Variants in SPMIP8 observed in about 807,000 individuals in gnomAD.
The protein encoded by SPMIP8 is testicular tissue protein Li 196.
chr16:57,983,402 C>T, the SPMIP8 span, among the ~76,000 whole-genome samples: 16 of 151,870 alleles, frequency 1.1e-4, no homozygotes, highest in Admixed American at 1.0e-3. Flanking sequence ...TTGTTTTTGC[C>T]ATGTAGAAGT....
chr16:57,987,562 T>G, the SPMIP8 span: 2 of 950,474 alleles, frequency 2.1e-6, no homozygotes, highest in Non-Finnish European at 2.9e-6. Flanking sequence ...AATGCTCCCT[T>G]AGAGACACAC....
At chr16:57,987,796 C>T in the SPMIP8 span, 1 of 223,354 alleles carries the variant, frequency 4.5e-6, no homozygotes, top group Admixed American at 5.8e-5. Flanking sequence ...TTGCCTGCAG[C>T]CCCACACCCA....
the SPMIP8 span, chr16:57,987,553 A>C: frequency 2.8e-6 from 3 of 1,057,940 alleles, no homozygotes; most frequent in Non-Finnish European, 3.9e-6. Context: ...AATAAACCTA[A>C]TGCTCCCTTA....
the SPMIP8 span, chr16:57,977,843 C>T: frequency 4.3e-5 from 70 of 1,613,800 alleles, no homozygotes; most frequent in Non-Finnish European, 3.4e-6. Context: ...ACCTGGTGCC[C>T]TGGGACGATG....
At chr16:57,982,692 T>G in the SPMIP8 span, among the ~76,000 whole-genome samples, 1 of 152,244 alleles carries the variant, frequency 6.6e-6, no homozygotes, top group African/African-American at 2.4e-5. Flanking sequence ...GACCTGAATA[T>G]ATATTCTCTG....
At chr16:57,976,600 G>C in the SPMIP8 span, 2 of 1,613,940 alleles carry the variant, frequency 1.2e-6, no homozygotes, top group African/African-American at 2.7e-5. Flanking sequence ...CTGTGCACCT[G>C]GGCCTGGGCC....
the SPMIP8 span, chr16:57,987,126 A>G: frequency 3.5e-4 from 141 of 401,910 alleles, no homozygotes; most frequent in Admixed American, 8.0e-4. Context: ...TGCCTAACAG[A>G]GTAGGTTCAC....
chr16:57,984,052 C>T, the SPMIP8 span, among the ~76,000 whole-genome samples: 5 of 151,838 alleles, frequency 3.3e-5, no homozygotes, highest in Admixed American at 6.6e-5. Context: ...TACAGGTGCT[C>T]GCCACCATGC....
chr16:57,981,389 A>AATAATAATTATTATTATT, the SPMIP8 span, among the ~76,000 whole-genome samples: 3 of 132,912 alleles, frequency 2.3e-5, no homozygotes, highest in Non-Finnish European at 3.2e-5. Context: ...CAATAATAAT[A>AATAATAATTATTATTATT]ATAATTATTA....
chr16:57,977,758 A>G, the SPMIP8 span: 1 of 1,556,078 alleles, frequency 6.4e-7, no homozygotes, highest in South Asian at 1.2e-5. Flanking sequence ...CATGCAGAGA[A>G]GGGTGTCTGG....
the SPMIP8 span, chr16:57,977,795 T>G: frequency 6.2e-7 from 1 of 1,606,408 alleles, no homozygotes; most frequent in Non-Finnish European, 8.5e-7. Flanking sequence ...GTGAGCCCCT[T>G]AGAACCCTCT....
the SPMIP8 span, chr16:57,987,241 C>T: frequency 4.4e-6 from 3 of 675,886 alleles, no homozygotes; most frequent in Non-Finnish European, 6.7e-6. Flanking sequence ...CTAAGGAGGA[C>T]AGCTGAAAAT....
the SPMIP8 span, chr16:57,977,964 C>A: frequency 3.1e-5 from 50 of 1,614,046 alleles, no homozygotes; most frequent in Non-Finnish European, 4.0e-5. Flanking sequence ...GCCCACCCTG[C>A]GCCACATGGA....
the SPMIP8 span, chr16:57,985,833 C>T: frequency 6.6e-7 from 1 of 1,521,438 alleles, no homozygotes; most frequent in South Asian, 1.3e-5. Context: ...GAGGGGGTGG[C>T]TCCCGAGGTC....
At chr16:57,976,690 C>A in the SPMIP8 span, 1 of 1,598,440 alleles carries the variant, frequency 6.3e-7, no homozygotes, top group Admixed American at 1.7e-5. Flanking sequence ...ATCCCCCTCC[C>A]TGTCCCTCCC....
At chr16:57,978,218 T>C in the SPMIP8 span, among the ~76,000 whole-genome samples, 1 of 152,212 alleles carries the variant, frequency 6.6e-6, no homozygotes, top group Non-Finnish European at 1.5e-5. Context: ...TGACAAGGCC[T>C]ACCTCAAAGT....
chr16:57,978,259 C>CA, the SPMIP8 span, among the ~76,000 whole-genome samples: 1 of 152,102 alleles, frequency 6.6e-6, no homozygotes, highest in South Asian at 2.1e-4. Flanking sequence ...AGATAAGGCA[C>CA]AAAAAACACT....
the SPMIP8 span, among the ~76,000 whole-genome samples, chr16:57,981,501 CTTTTTTTTTTT>C: frequency 5.2e-4 from 36 of 68,942 alleles, no homozygotes; most frequent in Middle Eastern, 0.022. Context: ...CTCTCTTTCT[CTTTTTTTTTTT>C]TTTTTTTTTT....
At chr16:57,987,099 G>A in the SPMIP8 span, 1 of 356,684 alleles carries the variant, frequency 2.8e-6, no homozygotes. Flanking sequence ...ACGTTTCTGG[G>A]TTTTGCTACC....
Sources: gnomAD v4.1 joint callset for allele counts (sites outside exome capture counted in the v4.1 genomes callset) on GRCh38, gnomAD v4.1.1 for gene constraint, MANE v1.5 for transcripts, NCBI Gene and HGNC (gene_info 2026-07-23, HGNC 2026-07-21) for gene names.